DCC: variants seen among roughly 807,000 people sequenced by gnomAD.
DCC encodes DCC netrin 1 receptor.
A neutral mutation model predicts 172.5 loss-of-function variants in DCC; 58 were observed. The ratio of observed to expected loss-of-function variants is 0.34; its 90% CI spans 0.27 to 0.42. The LOEUF (loss-of-function observed/expected upper bound fraction) is 0.42. DCC is among the 10% of genes least tolerant of loss of function. The probability of loss-of-function intolerance (pLI) is 1.00; values close to 1 mark genes in which losing one functional copy is unlikely to be tolerated. For synonymous variants in DCC, 709 were observed against 644.5 expected (o/e 1.10, Z -1.52); for missense variants, 1,740 against 1,791.0 (o/e 0.97, Z 0.51).
chr18:52,518,240 G>A (rs1482702315), intron 1 of DCC, among the ~76,000 whole-genome samples: 5 of 152,186 alleles, frequency 3.3e-5, no homozygotes, highest in African/African-American at 9.7e-5. Flanking sequence ...GTAAATATGG[G>A]ATGTTGAATG....
At chr18:53,107,740 T>A (rs1390304035) in intron 7 of DCC, among the ~76,000 whole-genome samples, 1 of 151,816 alleles carries the variant, frequency 6.6e-6, no homozygotes, top group Non-Finnish European at 1.5e-5. Flanking sequence ...TGCCTCGTGA[T>A]GCTGTAAAGT....
chr18:52,848,562 T>C (rs992204060), intron 2 of DCC, among the ~76,000 whole-genome samples: 2 of 152,222 alleles, frequency 1.3e-5, no homozygotes, highest in East Asian at 1.9e-4. Context: ...TATTTACTTA[T>C]ATTTACTTAA....
intron 1 of DCC, among the ~76,000 whole-genome samples, chr18:52,417,394 AT>A (rs1439998349): frequency 7.2e-5 from 11 of 151,846 alleles, no homozygotes; most frequent in Admixed American, 7.2e-4. Context: ...CATTCTCTGT[AT>A]TTCCTGAATC....
At chr18:53,095,994 C>T (rs1269681046) in intron 7 of DCC, among the ~76,000 whole-genome samples, 5 of 151,742 alleles carry the variant, frequency 3.3e-5, no homozygotes, top group Admixed American at 1.3e-4. Context: ...GCTGTAATCC[C>T]ATTGATTTCA....
chr18:52,414,519 C>A (rs557001033), intron 1 of DCC, among the ~76,000 whole-genome samples: 10 of 152,142 alleles, frequency 6.6e-5, no homozygotes, highest in Admixed American at 5.9e-4. Context: ...AGTAGATGGA[C>A]CAGCTCCCTT....
chr18:53,095,007 T>C (rs1053230911), intron 7 of DCC, among the ~76,000 whole-genome samples: 16 of 152,294 alleles, frequency 1.1e-4, no homozygotes, highest in Admixed American at 9.8e-4. Context: ...ACTACACATT[T>C]TGAGAGTGCA....
intron 1 of DCC, among the ~76,000 whole-genome samples, chr18:52,482,094 T>C (rs1474766170): frequency 1.3e-5 from 2 of 151,900 alleles, no homozygotes; most frequent in African/African-American, 2.4e-5. Flanking sequence ...CCATATCCAC[T>C]CACCCACCCA....
intron 1 of DCC, among the ~76,000 whole-genome samples, chr18:52,706,225 T>C (rs2036209436): frequency 6.6e-6 from 1 of 152,222 alleles, no homozygotes; most frequent in South Asian, 2.1e-4. Flanking sequence ...CTTTGAACTC[T>C]AGAAACAAAG....
chr18:53,208,111 T>G (rs1040217799), intron 11 of DCC, among the ~76,000 whole-genome samples: 1 of 151,150 alleles, frequency 6.6e-6, no homozygotes, highest in African/African-American at 2.4e-5. Flanking sequence ...AAATGTTTTT[T>G]TTTTTTTTTT....
At chr18:52,822,968 G>T (rs534082518) in intron 2 of DCC, among the ~76,000 whole-genome samples, 2 of 152,232 alleles carry the variant, frequency 1.3e-5, no homozygotes, top group South Asian at 4.1e-4. Flanking sequence ...ATGAGAAAAT[G>T]AACTTAAATA....
chr18:53,452,258 TG>T (rs977241508), intron 23 of DCC, among the ~76,000 whole-genome samples: 1 of 152,066 alleles, frequency 6.6e-6, no homozygotes, highest in African/African-American at 2.4e-5. Context: ...TAAAAGAAGG[TG>T]GGGAGGCGGT....
chr18:53,118,277 A>T (rs1381597661), intron 7 of DCC, among the ~76,000 whole-genome samples: 2 of 151,782 alleles, frequency 1.3e-5, no homozygotes, highest in Non-Finnish European at 2.9e-5. Flanking sequence ...ATAATTTTCG[A>T]TTATCTGCAC....
intron 5 of DCC, among the ~76,000 whole-genome samples, chr18:52,949,131 G>T (rs902189527): frequency 3.9e-5 from 6 of 152,194 alleles, no homozygotes; most frequent in African/African-American, 1.4e-4. Context: ...CCCTGCACAA[G>T]TCATATCATT....
chr18:53,399,042 G>A (rs968330421), intron 18 of DCC, among the ~76,000 whole-genome samples: 5 of 152,090 alleles, frequency 3.3e-5, no homozygotes, highest in African/African-American at 4.8e-5. Context: ...ATAAAGATAC[G>A]AGTGACTGGA....
chr18:53,094,689 A>G (rs2043060412), intron 7 of DCC, among the ~76,000 whole-genome samples: 1 of 152,246 alleles, frequency 6.6e-6, no homozygotes. Context: ...GAGATGGAGC[A>G]GAGAGACCAT....
At chr18:53,300,621 A>G (rs922666679) in intron 12 of DCC, among the ~76,000 whole-genome samples, 5 of 152,220 alleles carry the variant, frequency 3.3e-5, no homozygotes, top group African/African-American at 1.2e-4. Context: ...GGTACCCATC[A>G]GTTGACAAAA....
At chr18:53,344,174 GTCTTC>G (rs559529016) in intron 15 of DCC, among the ~76,000 whole-genome samples, 57 of 151,560 alleles carry the variant, frequency 3.8e-4, no homozygotes, top group Non-Finnish European at 5.0e-4. Context: ...TTTAGTTCTG[GTCTTC>G]TCTTCTATTT....
chr18:53,088,689 G>C (rs1215933914), intron 7 of DCC, among the ~76,000 whole-genome samples: 1 of 152,152 alleles, frequency 6.6e-6, no homozygotes, highest in African/African-American at 2.4e-5. Flanking sequence ...AAGAAAAAAA[G>C]AGAGAAGAAT....
intron 1 of DCC, among the ~76,000 whole-genome samples, chr18:52,517,707 A>T (rs929952520): frequency 6.6e-6 from 1 of 152,232 alleles, no homozygotes; most frequent in African/African-American, 2.4e-5. Flanking sequence ...CCAGATCAAG[A>T]TATAGAATGT....
Sources: gnomAD v4.1 joint callset for allele counts (sites outside exome capture counted in the v4.1 genomes callset) on GRCh38, gnomAD v4.1.1 for gene constraint, MANE v1.5 for transcripts, NCBI Gene and HGNC (gene_info 2026-07-23, HGNC 2026-07-21) for gene names.